The following KIF20B variants were observed in gnomAD, a reference collection of about 807,000 sequenced individuals.
The protein encoded by KIF20B is kinesin-like protein KIF20B.
A neutral mutation model predicts 232.5 loss-of-function variants in KIF20B; 188 were observed. That is an observed-to-expected ratio of 0.81 (90% CI 0.72 to 0.91). The LOEUF (loss-of-function observed/expected upper bound fraction) is 0.91. Ranked by LOEUF, KIF20B falls within the 40% of genes least tolerant of loss-of-function variation. The probability of loss-of-function intolerance (pLI) is 0.00; values close to 1 mark genes in which losing one functional copy is unlikely to be tolerated. For synonymous variants in KIF20B, 712 were observed against 683.0 expected, an observed-to-expected ratio of 1.04 and a Z score of -0.66; for missense variants, 2,154 against 2,055.9, an observed-to-expected ratio of 1.05 and a Z score of -0.92.
At chr10:89,743,748 A>G in intron 21 of KIF20B, 60 bp from the exon 22 acceptor site, 1 of 1,159,636 alleles carries the variant, frequency 8.6e-7, no homozygotes, top group Non-Finnish European at 1.2e-6. Context: ...AATCTTAAAT[A>G]ACAAAAAGCA....
intron 23 of KIF20B, among the ~76,000 whole-genome samples, chr10:89,746,412 C>T (rs534701874): frequency 5.9e-5 from 9 of 152,160 alleles, no homozygotes; most frequent in East Asian, 1.9e-4. Flanking sequence ...TTGCCCTGGG[C>T]GGCCGGACTC....
chr10:89,741,313 A>G (rs1338704507), intron 21 of KIF20B, among the ~76,000 whole-genome samples: 1 of 152,156 alleles, frequency 6.6e-6, no homozygotes, highest in Non-Finnish European at 1.5e-5. Flanking sequence ...GGCTGTAAAT[A>G]CAGATGAAGC....
intron 31 of KIF20B, among the ~76,000 whole-genome samples, chr10:89,770,228 T>A (rs1170016207): frequency 1.3e-5 from 2 of 152,058 alleles, no homozygotes; most frequent in Non-Finnish European, 2.9e-5. Flanking sequence ...TCCCTGAAGA[T>A]TGAAAATATC....
At chr10:89,758,595 G>T in intron 26 of KIF20B, 111 bp from the exon 27 acceptor site, 1 of 626,392 alleles carries the variant, frequency 1.6e-6, no homozygotes, top group Non-Finnish European at 2.5e-6. Flanking sequence ...AATTTGTCTT[G>T]TAATCTTGTT....
chr10:89,729,845 T>C (rs1016811703), intron 18 of KIF20B, among the ~76,000 whole-genome samples: 2 of 152,244 alleles, frequency 1.3e-5, no homozygotes, highest in Non-Finnish European at 2.9e-5. Flanking sequence ...CTTTTGGTTT[T>C]CTTTTTTTGG....
chr10:89,743,725 C>A, intron 21 of KIF20B, 83 bp from the exon 22 acceptor site: 1 of 890,692 alleles, frequency 1.1e-6, no homozygotes, highest in Non-Finnish European at 1.6e-6. Flanking sequence ...AATCTTTGAA[C>A]ATAGTTGCCA....
intron 23 of KIF20B, among the ~76,000 whole-genome samples, chr10:89,749,956 T>A (rs771357050): frequency 1.3e-5 from 2 of 152,198 alleles, no homozygotes; most frequent in Non-Finnish European, 2.9e-5. Context: ...TGATTGCTCA[T>A]AACTATCCTT....
chr10:89,744,947 A>G (rs1220480052), intron 22 of KIF20B, among the ~76,000 whole-genome samples: 1 of 152,226 alleles, frequency 6.6e-6, no homozygotes, highest in Non-Finnish European at 1.5e-5. Context: ...ATAAGTTACA[A>G]TTAGAACTGT....
intron 29 of KIF20B, among the ~76,000 whole-genome samples, chr10:89,764,981 T>C (rs2133172358): frequency 6.6e-6 from 1 of 151,788 alleles, no homozygotes; most frequent in Non-Finnish European, 1.5e-5. Flanking sequence ...CATGCCTATG[T>C]CCTGAATGGT....
chr10:89,760,962 T>C lies in KIF20B; in HGVS notation c.4791+326T>C, dbSNP rs1221103901. On this transcript the variant is annotated intron_variant, in intron 28 of 32. Transcript: ENST00000371728. ...CTTTAATAAACATTGTGTTAAATAG[T>C]ATTTTTTGGAATTGTATCCATTTAG... Among the ~76,000 whole-genome samples the C allele has an allele frequency of 5.3e-5, 8 of 152,182 alleles. No individual in the cohort carries two copies. In the East Asian group the frequency reaches 1.5e-3, roughly 29 times the overall value.
Position 89,774,138 on chromosome 10 carries a change from C to A in KIF20B, c.*90C>A. On this transcript the variant is annotated 3_prime_UTR_variant, in exon 33 of 33. Coordinates refer to ENST00000371728, the MANE Select transcript of KIF20B (RefSeq NM_001284259.2). Reference sequence around the variant, plus strand: ...TGTAAATATAAATGTATATATTATGCATTAAATCACTCTGCATATAGATTG... The same window carrying A: ...TGTAAATATAAATGTATATATTATGAATTAAATCACTCTGCATATAGATTG... 1 of 677,932 alleles carries A rather than the reference C, an allele frequency of 1.5e-6. No homozygotes were observed. Among genetic ancestry groups the A allele is most frequent in the Non-Finnish European group, 2.4e-6 (1 of 418,160 alleles). The allele number at this position is 677,932 out of a possible 1,614,324, so 42.0% of individuals were successfully genotyped here.
At position 89,754,180 on chromosome 10, in the gene KIF20B, A is replaced by G. The variant is rs116964682; in HGVS notation, c.4348-338A>G. Among the ~76,000 whole-genome samples, 1,462 of 151,126 alleles carry G rather than the reference A, an allele frequency of 9.7e-3. 10 individuals are homozygous for G. Among genetic ancestry groups the G allele is most frequent in the Non-Finnish European group, 0.016 (1,106 of 67,816 alleles). ...ATCCAGTTAGAAATGACCACCACAA[A>G]CAAAGTCTTTTTTATTCTCTTGGCA... On this transcript the variant is annotated intron_variant, in intron 25 of 32. Coordinates refer to ENST00000371728, the MANE Select transcript of KIF20B (RefSeq NM_001284259.2).
At chr10:89,744,258 A>G (rs1200959558) in intron 22 of KIF20B, among the ~76,000 whole-genome samples, 1 of 152,158 alleles carries the variant, frequency 6.6e-6, no homozygotes, top group Non-Finnish European at 1.5e-5. Flanking sequence ...GTTTGATGTG[A>G]CCAGAAAGGC....
At chr10:89,735,997 A>G (rs1232291505) in intron 19 of KIF20B, among the ~76,000 whole-genome samples, 2 of 152,238 alleles carry the variant, frequency 1.3e-5, no homozygotes. Flanking sequence ...TCACATAAAA[A>G]TACAGGTTAA....
intron 11 of KIF20B, among the ~76,000 whole-genome samples, chr10:89,718,290 G>A (rs1328788577): frequency 6.6e-6 from 1 of 152,052 alleles, no homozygotes; most frequent in Admixed American, 6.6e-5. Flanking sequence ...TTTGGAGGCC[G>A]AGGCAGGAGG....
rs146858896 is a variant in KIF20B, at chr10:89,725,022, A to C, written c.1865A>C (p.Glu622Ala). 1.8e-3 allele frequency: 2,948 copies of C among 1,612,746 alleles called. 47 individuals are homozygous for C. The African/African-American group carries it at 0.033, about 18-fold the overall frequency. ...YWAQREADFK[E>A]TLLQEREILE... ...TGGGATTAATTTGTATTTTGAAGGG[A>C]GACTCTGCTTCAAGAACGAGAGATA... The change falls in exon 15 of 33, where the codon GAG becomes GCG. Residue 622 changes from glutamate to alanine, a missense_variant and splice_region_variant. Transcript: ENST00000371728.
intron 20 of KIF20B, 32 bp downstream of exon 20, chr10:89,738,649 A>G (rs1379295175): frequency 2.0e-6 from 3 of 1,515,712 alleles, no homozygotes; most frequent in Non-Finnish European, 1.8e-6. Flanking sequence ...ATATTTTAAA[A>G]TACACAAAGC....
intron 23 of KIF20B, among the ~76,000 whole-genome samples, chr10:89,746,744 T>A (rs1426906789): frequency 1.4e-4 from 22 of 152,234 alleles, no homozygotes; most frequent in Admixed American, 1.4e-3. Flanking sequence ...CCCATATCAC[T>A]TCCAGTACTA....
chr10:89,711,497 A>G (rs567967593), intron 6 of KIF20B, among the ~76,000 whole-genome samples: 1 of 152,206 alleles, frequency 6.6e-6, no homozygotes, highest in East Asian at 1.9e-4. Context: ...GTAAAAAGTA[A>G]AAGTTTCCTT....
Sources: allele counts gnomAD v4.1 joint callset (sites outside exome capture counted in the v4.1 genomes callset), GRCh38; gene constraint gnomAD v4.1.1; transcripts MANE v1.5; gene names NCBI Gene and HGNC (gene_info 2026-07-23, HGNC 2026-07-21).